Variants in SH3RF2 observed in about 807,000 individuals in gnomAD.
SH3RF2 encodes SH3 domain containing ring finger 2.
Under a neutral mutation model 59.0 loss-of-function variants are expected in SH3RF2, and 43 were observed. That is an observed-to-expected ratio of 0.73 (90% CI 0.57 to 0.94). SH3RF2 has a LOEUF of 0.94. Ranked by LOEUF, SH3RF2 falls within the 40% of genes least tolerant of loss-of-function variation. SH3RF2 has a pLI of 0.00. For synonymous variants in SH3RF2, 391 were observed against 391.5 expected (o/e 1.00, Z 0.01); for missense variants, 930 against 940.1 (o/e 0.99, Z 0.14).
intron 3 of SH3RF2, among the ~76,000 whole-genome samples, chr5:146,000,703 A>G (rs1027082836): frequency 2.0e-5 from 3 of 152,234 alleles, no homozygotes; most frequent in Non-Finnish European, 4.4e-5. Context: ...CAAGGAAAAT[A>G]TTACACCACA....
At chr5:146,034,966 C>T (rs770798562) in intron 5 of SH3RF2, among the ~76,000 whole-genome samples, 16 of 152,038 alleles carry the variant, frequency 1.1e-4, no homozygotes, top group Non-Finnish European at 1.6e-4. Flanking sequence ...GTTAGCCAGG[C>T]GTGGTAGTGC....
At chr5:146,057,966 CTCTATCTA>C (rs1554120846) in intron 8 of SH3RF2, among the ~76,000 whole-genome samples, 2 of 72,926 alleles carry the variant, frequency 2.7e-5, no homozygotes, top group Non-Finnish European at 7.2e-5. Flanking sequence ...CTCTCTCTCT[CTCTATCTA>C]TCTATCTATC....
chr5:145,997,937 T>G, intron 2 of SH3RF2: 1 of 805,122 alleles, frequency 1.2e-6, no homozygotes, highest in Non-Finnish European at 2.3e-6. Context: ...CTACACAGTT[T>G]ATGCCTGACC....
intron 2 of SH3RF2, among the ~76,000 whole-genome samples, chr5:145,975,676 C>T (rs1759261694): frequency 6.6e-6 from 1 of 152,236 alleles, no homozygotes; most frequent in Non-Finnish European, 1.5e-5. Context: ...TAGAGTCTAA[C>T]CAAGCAATGA....
intron 9 of SH3RF2, among the ~76,000 whole-genome samples, chr5:146,074,061 A>G: frequency 9.3e-6 from 1 of 107,610 alleles, no homozygotes; most frequent in South Asian, 2.4e-4. Flanking sequence ...TTTTTTTGAG[A>G]CAGAGTCTCG....
intron 2 of SH3RF2, among the ~76,000 whole-genome samples, chr5:145,969,115 GCAAATATTTA>G (rs1223093196): frequency 6.6e-6 from 1 of 152,120 alleles, no homozygotes; most frequent in African/African-American, 2.4e-5. Flanking sequence ...CCAAGGGTGT[GCAAATATTTA>G]CATGCTGTTG....
chr5:146,011,139 C>T (rs1217677140), intron 4 of SH3RF2, among the ~76,000 whole-genome samples: 2 of 152,136 alleles, frequency 1.3e-5, no homozygotes. Flanking sequence ...AATAGGGAAT[C>T]GTTTCCCCAT....
At chr5:146,068,134 C>G (rs1763147321), downstream of SH3RF2, among the ~76,000 whole-genome samples, 1 of 152,258 alleles carries the variant, frequency 6.6e-6, no homozygotes, top group African/African-American at 2.4e-5. Context: ...GTCTGCCTTT[C>G]TCAGCTAACA....
chr5:145,994,261 A>G (rs1760064229), intron 2 of SH3RF2, among the ~76,000 whole-genome samples: 1 of 152,186 alleles, frequency 6.6e-6, no homozygotes, highest in African/African-American at 2.4e-5. Context: ...ACAAGTCTCT[A>G]GGAAGTTCCA....
chr5:146,064,818 AAG>A (rs1763052197), downstream of SH3RF2, among the ~76,000 whole-genome samples: 7 of 11,096 alleles, frequency 6.3e-4, no homozygotes, highest in Non-Finnish European at 2.1e-3. Flanking sequence ...GAAAGAAAGA[AAG>A]AAAGAAAGAA....
At chr5:146,011,166 G>A (rs567408798) in intron 4 of SH3RF2, among the ~76,000 whole-genome samples, 87 of 152,182 alleles carry the variant, frequency 5.7e-4, no homozygotes, top group South Asian at 2.1e-4. Context: ...TTTTTGTCGC[G>A]TTTGTCAAAG....
At chr5:145,997,641 T>G (rs931769813) in intron 2 of SH3RF2, 1 of 1,577,734 alleles carries the variant, frequency 6.3e-7, no homozygotes, top group Non-Finnish European at 8.7e-7. Context: ...ACTGGCCACT[T>G]TATGAGCAAC....
In SH3RF2 at chr5:146,019,092, T is replaced by C. The variant is rs1359684109; in HGVS notation, c.1059+5031T>C. Among the ~76,000 whole-genome samples the C allele has an allele frequency of 2.0e-5, 3 of 152,184 alleles. No individual in the cohort carries two copies. The East Asian group carries it at 5.8e-4, about 29-fold the overall frequency. On this transcript the variant is annotated intron_variant, in intron 5 of 9. Coordinates refer to ENST00000359120, the MANE Select transcript of SH3RF2 (RefSeq NM_152550.4). ...TTACTCTGATGATTATTTCTTCTGC[T>C]GTGCAGAAGCTTTTTATTTTACTTA...
At chr5:145,970,059 G>A (rs546996415) in intron 2 of SH3RF2, among the ~76,000 whole-genome samples, 2 of 152,076 alleles carry the variant, frequency 1.3e-5, no homozygotes, top group Non-Finnish European at 2.9e-5. Context: ...ACTGTGACAA[G>A]CCCTTTACTC....
At chr5:145,967,501 A>G (rs546663172) in intron 2 of SH3RF2, among the ~76,000 whole-genome samples, 50 of 152,216 alleles carry the variant, frequency 3.3e-4, no homozygotes, top group Non-Finnish European at 6.5e-4. Flanking sequence ...GTTGAGTTTC[A>G]GGTAAATCCC....
chr5:146,035,162 AT>A lies in SH3RF2; in HGVS notation c.1060-12601del, dbSNP rs111621112. Among the ~76,000 whole-genome samples, 8 of 150,722 alleles carry A rather than the reference AT, an allele frequency of 5.3e-5. No homozygotes were observed. In the East Asian group the frequency reaches 9.7e-4, roughly 18 times the overall value. The stretch of plus-strand genomic sequence containing the variant: ...TGATAATGGGTGGTGGTGGTAGGCG[AT>A]TTTTTTTTCTCTTTTTTAAAATAAA... On this transcript the variant is annotated intron_variant, in intron 5 of 9. Coordinates refer to ENST00000359120, the MANE Select transcript of SH3RF2 (RefSeq NM_152550.4).
At position 146,047,375 on chromosome 5, in the gene SH3RF2, G is replaced by A. The variant is rs555841937; in HGVS notation, c.1060-397G>A. Among the ~76,000 whole-genome samples, 4 of 152,018 alleles carry A rather than the reference G, an allele frequency of 2.6e-5. No individual in the cohort carries two copies. The South Asian group carries it at 8.3e-4, about 31-fold the overall frequency. On this transcript the variant is annotated intron_variant, in intron 5 of 9. Coordinates refer to ENST00000359120, the MANE Select transcript of SH3RF2 (RefSeq NM_152550.4). ...CTTATAGAGTACTTAAAACTGCCTA[G>A]TAATTGCTCAGTTCTGAATCAATAT... is the stretch of plus-strand genomic sequence containing the variant.
chr5:145,953,466 G>T (rs1297243883), intron 2 of SH3RF2, among the ~76,000 whole-genome samples: 1 of 152,170 alleles, frequency 6.6e-6, no homozygotes, highest in African/African-American at 2.4e-5. Flanking sequence ...AAGCTGCAGG[G>T]GAAGATGCAG....
downstream of SH3RF2, among the ~76,000 whole-genome samples, chr5:146,064,872 A>G (rs71592189): frequency 1.5e-5 from 2 of 134,372 alleles, no homozygotes; most frequent in Admixed American, 7.4e-5. Context: ...AAGAGAAAGA[A>G]AAAGAAAAAG....
Sources: allele counts gnomAD v4.1 joint callset (sites outside exome capture counted in the v4.1 genomes callset), GRCh38; gene constraint gnomAD v4.1.1; transcripts MANE v1.5; gene names NCBI Gene and HGNC (gene_info 2026-07-23, HGNC 2026-07-21).